Variants in GRID2 observed in about 807,000 individuals in gnomAD.
GRID2 encodes the protein glutamate ionotropic receptor delta type subunit 2, also known as glutamate receptor ionotropic, delta-2.
GRID2 carries 33 observed loss-of-function variants against 114.8 expected under a neutral mutation model. The ratio of observed to expected loss-of-function variants is 0.29; its 90% CI spans 0.22 to 0.38. The LOEUF (loss-of-function observed/expected upper bound fraction) is 0.38, where lower values mean the gene tolerates loss of function less well. Ranked by LOEUF, GRID2 falls within the 10% of genes least tolerant of loss-of-function variation. The pLI is 1.00. For missense variants in GRID2, 1,184 were observed against 1,257.7 expected (o/e 0.94, Z 0.89); for synonymous variants, 505 against 449.9 (o/e 1.12, Z -1.55).
chr4:93,480,332 G>C (rs1368555419), intron 11 of GRID2, among the ~76,000 whole-genome samples: 1 of 151,972 alleles, frequency 6.6e-6, no homozygotes, highest in Non-Finnish European at 1.5e-5. Context: ...TTGGGCTTCT[G>C]AATATATACA....
chr4:93,722,552 T>C (rs751512590), intron 14 of GRID2, among the ~76,000 whole-genome samples: 1 of 152,180 alleles, frequency 6.6e-6, no homozygotes, highest in Non-Finnish European at 1.5e-5. Context: ...AAAGAAACTA[T>C]CTCCTAGATT....
chr4:92,504,240 G>A (rs968628085), intron 1 of GRID2, among the ~76,000 whole-genome samples: 11 of 152,078 alleles, frequency 7.2e-5, no homozygotes, highest in Non-Finnish European at 1.3e-4. Context: ...CAAAGTCATA[G>A]AGGTGTGATT....
At chr4:93,700,720 G>A (rs1471155889) in intron 14 of GRID2, among the ~76,000 whole-genome samples, 2 of 152,212 alleles carry the variant, frequency 1.3e-5, no homozygotes, top group South Asian at 2.1e-4. Flanking sequence ...AAGCAAATGA[G>A]GCATTAAGGC....
At chr4:93,690,140 C>G (rs1726429344) in intron 14 of GRID2, among the ~76,000 whole-genome samples, 1 of 151,982 alleles carries the variant, frequency 6.6e-6, no homozygotes, top group South Asian at 2.1e-4. Context: ...CTACACCAAA[C>G]TTTATGTAAA....
intron 2 of GRID2, among the ~76,000 whole-genome samples, chr4:93,007,832 G>A (rs1233635989): frequency 6.6e-6 from 1 of 151,964 alleles, no homozygotes. Flanking sequence ...CTTGAGGTCA[G>A]GAGTTGGAGA....
chr4:92,468,494 CACTT>C (rs1721863861), intron 1 of GRID2, among the ~76,000 whole-genome samples: 1 of 152,094 alleles, frequency 6.6e-6, no homozygotes, highest in East Asian at 1.9e-4. Context: ...TTTAAACAAA[CACTT>C]AATGAAATAT....
At position 92,937,061 on chromosome 4, in the gene GRID2, C is replaced by G. The variant is rs188302753; in HGVS notation, c.245-147934C>G. 2.5e-4 allele frequency among the ~76,000 whole-genome samples: 37 copies of G among 146,258 alleles called. 7 individuals carry two copies. Among genetic ancestry groups the G allele is most frequent in the Admixed American group, 2.4e-3 (32 of 13,410 alleles). Reference sequence around the variant, plus strand: ...TCTCTGTTGTTGACTTGTGAAAGTTCTTTATACTTTCTGCATACTAGGCGG... The same window carrying G: ...TCTCTGTTGTTGACTTGTGAAAGTTGTTTATACTTTCTGCATACTAGGCGG... On this transcript the variant is annotated intron_variant, in intron 2 of 15. Coordinates refer to ENST00000282020, the MANE Select transcript of GRID2 (RefSeq NM_001510.4).
At position 92,801,687 on chromosome 4, in the gene GRID2, A is replaced by G. The variant is rs1740179946; in HGVS notation, c.244+211401A>G. On this transcript the variant is annotated intron_variant, in intron 2 of 15. Coordinates refer to ENST00000282020, the MANE Select transcript of GRID2 (RefSeq NM_001510.4). ...AAGCATATATATAAGCAAAAGTAAT[A>G]TAAGCATATGGTAAATTTAGTGTAA... Among the ~76,000 whole-genome samples, 5 of 152,086 alleles carry G rather than the reference A, an allele frequency of 3.3e-5. No individual in the cohort carries two copies. In the South Asian group the frequency reaches 1.0e-3, roughly 31 times the overall value.
intron 9 of GRID2, among the ~76,000 whole-genome samples, chr4:93,395,959 A>G (rs1420422203): frequency 2.6e-5 from 4 of 151,966 alleles, no homozygotes; most frequent in Admixed American, 6.6e-5. Flanking sequence ...TTTCCATCCT[A>G]CAGTTTTCTA....
chr4:92,426,295 G>A (rs534224529), intron 1 of GRID2, among the ~76,000 whole-genome samples: 1 of 152,176 alleles, frequency 6.6e-6, no homozygotes, highest in East Asian at 1.9e-4. Context: ...CTTGGTCCAC[G>A]GAATATATGG....
chr4:92,955,970 C>T lies in GRID2; in HGVS notation c.245-129025C>T, dbSNP rs151078417. ...TCCTGACCTCGTGATCTGCCCACTT[C>T]GGCCTCACAAAGTGCTGGGATCACA... On this transcript the variant is annotated intron_variant, in intron 2 of 15. Coordinates refer to ENST00000282020, the MANE Select transcript of GRID2 (RefSeq NM_001510.4). 5.2e-3 allele frequency among the ~76,000 whole-genome samples: 794 copies of T among 152,256 alleles called. 7 individuals carry two copies. The highest frequency in any genetic ancestry group is 0.018 in the African/African-American group (759 of 41,546).
intron 13 of GRID2, among the ~76,000 whole-genome samples, chr4:93,556,816 G>A (rs1006245110): frequency 6.6e-6 from 1 of 151,968 alleles, no homozygotes; most frequent in African/African-American, 2.4e-5. Context: ...AAGGTAGAAG[G>A]ACAAACTGTT....
At chr4:93,061,053 A>C (rs1171449964) in intron 2 of GRID2, among the ~76,000 whole-genome samples, 1 of 152,040 alleles carries the variant, frequency 6.6e-6, no homozygotes, top group Admixed American at 6.6e-5. Flanking sequence ...CAGTGAGCCA[A>C]AATTGCACCA....
intron 8 of GRID2, among the ~76,000 whole-genome samples, chr4:93,269,379 G>A (rs1751189606): frequency 6.6e-6 from 1 of 152,172 alleles, no homozygotes; most frequent in Admixed American, 6.5e-5. Context: ...CATTGTCTAA[G>A]GCAGCAAATA....
At chr4:92,320,364 G>A (rs557524761) in intron 1 of GRID2, among the ~76,000 whole-genome samples, 1 of 152,028 alleles carries the variant, frequency 6.6e-6, no homozygotes, top group South Asian at 2.1e-4. Context: ...AGTATATTCA[G>A]GGTACTTATG....
intron 1 of GRID2, among the ~76,000 whole-genome samples, chr4:92,429,941 T>G (rs1177537164): frequency 6.6e-6 from 1 of 152,170 alleles, no homozygotes; most frequent in African/African-American, 2.4e-5. Flanking sequence ...CCTAGTTTTT[T>G]AAATCAGATT....
chr4:93,144,650 A>C (rs1307991476), intron 4 of GRID2, among the ~76,000 whole-genome samples: 1 of 152,182 alleles, frequency 6.6e-6, no homozygotes, highest in East Asian at 1.9e-4. Flanking sequence ...AAAAGCCCAG[A>C]AGCAAAACAT....
chr4:93,213,386 C>A (rs746436315), intron 5 of GRID2, among the ~76,000 whole-genome samples: 40 of 152,082 alleles, frequency 2.6e-4, no homozygotes, highest in Non-Finnish European at 4.7e-4. Flanking sequence ...AATCTTAATA[C>A]TAAAATCTTC....
chr4:93,292,497 C>T (rs1753856728), intron 8 of GRID2, among the ~76,000 whole-genome samples: 1 of 152,094 alleles, frequency 6.6e-6, no homozygotes, highest in Admixed American at 6.5e-5. Context: ...CTTTTAGGCC[C>T]TTTTCTTTCC....
Sources: allele counts gnomAD v4.1 joint callset (sites outside exome capture counted in the v4.1 genomes callset), GRCh38; gene constraint gnomAD v4.1.1; transcripts MANE v1.5; gene names NCBI Gene and HGNC (gene_info 2026-07-23, HGNC 2026-07-21).